C16orf96: variants seen among roughly 807,000 people sequenced by gnomAD.
The protein encoded by C16orf96 is chromosome 16 open reading frame 96.
C16orf96 carries 108 observed loss-of-function variants against 103.6 expected under a neutral mutation model. That is an observed-to-expected ratio of 1.04 (90% confidence interval 0.89 to 1.22). C16orf96 has a LOEUF of 1.22. Ranked by LOEUF, C16orf96 falls within the 50% of genes most tolerant of loss-of-function variation. C16orf96 has a pLI of 0.00. For synonymous variants in C16orf96, 566 were observed against 593.5 expected (o/e 0.95, Z 0.67); for missense variants, 1,586 against 1,464.2 (o/e 1.08, Z -1.36).
the C16orf96 span, among the ~76,000 whole-genome samples, chr16:4,546,631 T>C: frequency 6.6e-6 from 1 of 151,768 alleles, no homozygotes; most frequent in East Asian, 1.9e-4. Context: ...TGCCCAGCTA[T>C]TTATTTGTTA....
intron 1 of C16orf96, among the ~76,000 whole-genome samples, chr16:4,557,263 C>T (rs1021243114): frequency 2.6e-5 from 4 of 152,126 alleles, no homozygotes; most frequent in African/African-American, 9.7e-5. Context: ...AGCCACTGCG[C>T]CCAGCCTTCT....
the C16orf96 span, among the ~76,000 whole-genome samples, chr16:4,545,231 A>G: frequency 7.9e-4 from 120 of 152,226 alleles, no homozygotes; most frequent in African/African-American, 1.8e-3. Context: ...GTTTAGGGAC[A>G]GGGTCTGTTC....
intron 1 of C16orf96, among the ~76,000 whole-genome samples, chr16:4,564,490 A>G (rs907625161): frequency 1.3e-5 from 2 of 152,204 alleles, no homozygotes; most frequent in Non-Finnish European, 2.9e-5. Flanking sequence ...TGTATATTGT[A>G]CAGGTTAAAA....
chr16:4,599,360 C>T lies in C16orf96; in HGVS notation c.3204C>T (p.Cys1068=). ...CCAGTGCCCTATTTGGCGCCATCTG[C>T]CCCCGTGAGTACCTGGTTCCCAGCC... is the stretch of plus-strand genomic sequence containing the variant. ...VHSSALFGAI[C]PPLCPRSSAC... is the part of the protein sequence containing the mutation. The change falls in exon 15 of 16, where the codon TGC becomes TGT. Residue 1068 remains cysteine, a synonymous_variant. Coordinates refer to ENST00000444310, the MANE Select transcript of C16orf96 (RefSeq NM_001145011.2). 1.9e-6 allele frequency: 3 copies of T among 1,551,320 alleles called. No individual in the cohort carries two copies. Among genetic ancestry groups the T allele is most frequent in the Middle Eastern group, 1.7e-4 (1 of 5,990 alleles).
chr16:4,541,524 G>C, the C16orf96 span, among the ~76,000 whole-genome samples: 5 of 152,260 alleles, frequency 3.3e-5, no homozygotes, highest in Non-Finnish European at 7.4e-5. Context: ...CTGTGAGCTG[G>C]GATTGTGCCA....
chr16:4,556,871 C>G lies in C16orf96; in HGVS notation c.382C>G (p.Arg128Gly). 6.5e-7 allele frequency: 1 copy of G among 1,550,320 alleles called. No individual in the cohort carries two copies. The highest frequency in any genetic ancestry group is 8.7e-7 in the Non-Finnish European group (1 of 1,145,994). The part of the protein sequence containing the change: ...VQDLWHLIKL[R>G]KMVEGHDEVM... Reference sequence around the variant, plus strand: ...GGACCTGTGGCATCTGATCAAGCTCCGGAAGATGGTGGAGGGTCATGATGA... The same window carrying G: ...GGACCTGTGGCATCTGATCAAGCTCGGGAAGATGGTGGAGGGTCATGATGA... Residue 128 changes from arginine (R) to glycine (G), a missense_variant, in exon 1 of 16, where the codon CGG (arginine) becomes GGG (glycine). By Grantham distance (125) the Arg-to-Gly change is moderately radical. Coordinates refer to ENST00000444310, the MANE Select transcript of C16orf96 (RefSeq NM_001145011.2).
At chr16:4,562,226 G>A (rs759642632) in intron 1 of C16orf96, among the ~76,000 whole-genome samples, 2 of 151,998 alleles carry the variant, frequency 1.3e-5, no homozygotes, top group Non-Finnish European at 2.9e-5. Context: ...TGTAATCCCC[G>A]CACTTTGAGA....
At chr16:4,584,920 C>T (rs996849987) in intron 7 of C16orf96, among the ~76,000 whole-genome samples, 1 of 152,196 alleles carries the variant, frequency 6.6e-6, no homozygotes, top group Non-Finnish European at 1.5e-5. Context: ...ATCCACCCAC[C>T]TCAGCCTCCC....
At chr16:4,562,551 G>A (rs1366121510) in intron 1 of C16orf96, among the ~76,000 whole-genome samples, 1 of 149,238 alleles carries the variant, frequency 6.7e-6, no homozygotes, top group Admixed American at 6.7e-5. Flanking sequence ...TTTTTTGTTT[G>A]TCTTTATTTT....
intron 1 of C16orf96, chr16:4,560,161 G>A (rs1015292931): frequency 6.6e-6 from 1 of 151,890 alleles, no homozygotes; most frequent in Non-Finnish European, 1.5e-5. Context: ...GGAAATACAG[G>A]TGCGCGCCAC....
intron 8 of C16orf96, 118 bp from the exon 9 acceptor site, chr16:4,588,049 A>G: frequency 1.9e-6 from 2 of 1,049,706 alleles, no homozygotes; most frequent in Non-Finnish European, 2.7e-6. Flanking sequence ...CATTTAAGCC[A>G]AGGCTAAAAG....
At position 4,579,077 on chromosome 16, in the gene C16orf96, T is replaced by G. The variant is rs529781672; in HGVS notation, c.2241+52T>G. 5 of 1,488,046 alleles carry G rather than the reference T, an allele frequency of 3.4e-6. No homozygotes were observed. In the African/African-American group the frequency reaches 7.0e-5, roughly 21 times the overall value. The allele number at this position is 1,488,046 out of a possible 1,614,324, so 92.2% of individuals were successfully genotyped here. A position where few individuals can be genotyped will look rare whatever the true frequency, so the allele number is the denominator to read the frequency against. On this transcript the variant is annotated intron_variant, in intron 6 of 15. Coordinates refer to ENST00000444310, the MANE Select transcript of C16orf96 (RefSeq NM_001145011.2). ...GAGGCAGTGATGGCTTGAGGTGAGC[T>G]GGCTGAAGACTCCTTGACTCTGCCC...
In C16orf96 at chr16:4,594,386, T is replaced by C; in HGVS notation, c.2903T>C (p.Ile968Thr). ...TGGCTGCAGCTCCAGGACCTCGGTATCCAGGAGGATTGTCAGCAGGACTGG... is the reference window on the plus strand; with the variant it reads ...TGGCTGCAGCTCCAGGACCTCGGTACCCAGGAGGATTGTCAGCAGGACTGG... ...QQWLQLQDLG[I>T]QEDCQQDWGD... Residue 968 changes from isoleucine (I) to threonine (T), a missense_variant, in exon 13 of 16, where the codon ATC (isoleucine) becomes ACC (threonine). By Grantham distance (89) the Ile-to-Thr change is moderately conservative. Transcript: ENST00000444310. 1 of 1,549,130 alleles carries C rather than the reference T, an allele frequency of 6.5e-7. No individual in the cohort carries two copies. Among genetic ancestry groups the C allele is most frequent in the East Asian group, 2.4e-5 (1 of 40,916 alleles).
the C16orf96 span, among the ~76,000 whole-genome samples, chr16:4,539,100 C>T: frequency 3.9e-4 from 59 of 152,308 alleles, 1 homozygote; most frequent in South Asian, 0.012. Flanking sequence ...TACATAAAAC[C>T]TTGAACCACA....
At chr16:4,545,567 A>G in the C16orf96 span, among the ~76,000 whole-genome samples, 1 of 151,640 alleles carries the variant, frequency 6.6e-6, no homozygotes, top group Non-Finnish European at 1.5e-5. Context: ...AAATTTCACA[A>G]CCCCCATCAT....
intron 5 of C16orf96, among the ~76,000 whole-genome samples, chr16:4,577,459 G>A (rs902204403): frequency 6.6e-6 from 1 of 151,662 alleles, no homozygotes; most frequent in Non-Finnish European, 1.5e-5. Context: ...GACCATCCTG[G>A]CTGACACGGT....
intron 7 of C16orf96, among the ~76,000 whole-genome samples, chr16:4,581,172 AT>A (rs1343986583): frequency 8.0e-6 from 1 of 124,612 alleles, no homozygotes; most frequent in African/African-American, 3.1e-5. Flanking sequence ...ATATATATAT[AT>A]ATATATATAT....
chr16:4,567,073 A>G (rs1275926548), intron 1 of C16orf96, among the ~76,000 whole-genome samples: 1 of 151,722 alleles, frequency 6.6e-6, no homozygotes, highest in Non-Finnish European at 1.5e-5. Context: ...TCTTTGTTCC[A>G]GTGTCTTAAG....
At chr16:4,563,788 T>C (rs768874218) in intron 1 of C16orf96, among the ~76,000 whole-genome samples, 15 of 149,568 alleles carry the variant, frequency 1.0e-4, no homozygotes. Flanking sequence ...AGGCTGGTCT[T>C]GAACTCCCGA....
Sources: gnomAD v4.1 joint callset for allele counts (sites outside exome capture counted in the v4.1 genomes callset) on GRCh38, gnomAD v4.1.1 for gene constraint, MANE v1.5 for transcripts, NCBI Gene and HGNC (gene_info 2026-07-23, HGNC 2026-07-21) for gene names.